Variants in RDX observed in about 807,000 individuals in gnomAD.
RDX encodes the protein deafness, autosomal recessive 24.
A neutral mutation model predicts 83.7 loss-of-function variants in RDX; 32 were observed. The observed-to-expected ratio is 0.38, with a 90% CI of 0.29 to 0.51. The LOEUF (loss-of-function observed/expected upper bound fraction) is 0.51. RDX is among the 20% of genes least tolerant of loss of function. The pLI, the probability that RDX is intolerant of heterozygous loss-of-function variation, is 0.87. For synonymous variants in RDX, 229 were observed against 222.7 expected (o/e 1.03, Z -0.25); for missense variants, 600 against 689.9 (o/e 0.87, Z 1.46).
chr11:110,214,465 A>C (rs1230940416), intron 14 of RDX, among the ~76,000 whole-genome samples: 20 of 138,032 alleles, frequency 1.4e-4, no homozygotes, highest in African/African-American at 5.5e-4. Context: ...TGGAAATACC[A>C]TTTGACCCAG....
At chr11:110,217,036 T>C (rs1591519037) in intron 14 of RDX, among the ~76,000 whole-genome samples, 1 of 152,244 alleles carries the variant, frequency 6.6e-6, no homozygotes, top group Admixed American at 6.5e-5. Flanking sequence ...CGAGACACAG[T>C]CCCCATCAGG....
At chr11:110,269,951 A>AG (rs1287113994) in intron 3 of RDX, among the ~76,000 whole-genome samples, 2 of 152,264 alleles carry the variant, frequency 1.3e-5, no homozygotes, top group Non-Finnish European at 2.9e-5. Context: ...CTGAGGTGGG[A>AG]GGATCGCTTG....
At chr11:110,214,592 A>T (rs1276353201) in intron 14 of RDX, among the ~76,000 whole-genome samples, 1 of 76,706 alleles carries the variant, frequency 1.3e-5, no homozygotes, top group African/African-American at 5.1e-5. Flanking sequence ...GAACCAACCC[A>T]AATGTCCAAC....
intron 9 of RDX, 28 bp from the exon 10 acceptor site, chr11:110,247,861 AAATT>A (rs1333906664): frequency 1.3e-6 from 2 of 1,539,236 alleles, no homozygotes; most frequent in Non-Finnish European, 1.7e-6. Context: ...TTGCTGTTAC[AAATT>A]AATACACAAA....
intron 4 of RDX, among the ~76,000 whole-genome samples, 180 bp downstream of exon 4, chr11:110,264,599 T>C (rs575356674): frequency 1.3e-5 from 2 of 152,056 alleles, no homozygotes; most frequent in South Asian, 4.2e-4. Context: ...TTCTTTTTTT[T>C]TTTTTTGAGA....
intron 9 of RDX, 52 bp from the exon 10 acceptor site, chr11:110,247,885 C>T: frequency 6.6e-7 from 1 of 1,523,430 alleles, no homozygotes; most frequent in East Asian, 2.5e-5. Context: ...AAATATTATT[C>T]ATGTGATGGA....
At position 110,257,858 on chromosome 11, in the gene RDX, C is replaced by T. The variant is rs999025809; in HGVS notation, c.607G>A (p.Val203Ile). 6.2e-7 allele frequency: 1 copy of T among 1,612,192 alleles called. No homozygotes were observed. Among genetic ancestry groups the T allele is most frequent in the African/African-American group, 1.3e-5 (1 of 74,838 alleles). Residue 203 changes from valine (V) to isoleucine (I), a missense_variant, in exon 7 of 14, where the codon GTC becomes ATC. Val to Ile is a conservative substitution (Grantham distance 29). Transcript: ENST00000645495. ...KIAQDLEMYG[V>I]NYFEIKNKKG... is the part of the protein sequence containing the mutation. ...TTATTTTTTATTTCAAAATAGTTGA[C>T]TCCATACATTTCTAGATCTTGTGCA... is the stretch of plus-strand genomic sequence containing the variant.
chr11:110,242,677 A>T (rs1250750883), intron 10 of RDX, among the ~76,000 whole-genome samples: 1 of 152,134 alleles, frequency 6.6e-6, no homozygotes, highest in Non-Finnish European at 1.5e-5. Context: ...AATTGTATAA[A>T]AGTGTAAGTT....
chr11:110,176,498 C>T lies in RDX; in HGVS notation c.*32-1264G>A, dbSNP rs1163740676. 2.0e-5 allele frequency among the ~76,000 whole-genome samples: 3 copies of T among 152,292 alleles called. No homozygotes were observed. The South Asian group carries it at 6.2e-4, about 32-fold the overall frequency. ...TTCTCAACTCTGCCTCCTGCTCCCC[C>T]CAGCCACGGGGTGCCTGGGGACATT... On this transcript the variant is annotated intron_variant, in intron 15 of 15. Coordinates refer to the RDX transcript ENST00000528498.
intron 12 of RDX, among the ~76,000 whole-genome samples, chr11:110,233,865 G>A (rs889457325): frequency 1.3e-5 from 2 of 152,130 alleles, no homozygotes; most frequent in African/African-American, 4.8e-5. Flanking sequence ...TGAGCCACAA[G>A]GGGAAAATGT....
intron 7 of RDX, among the ~76,000 whole-genome samples, chr11:110,256,560 G>C (rs1221429677): frequency 4.6e-5 from 7 of 152,024 alleles, no homozygotes. Flanking sequence ...GCTCCAATAT[G>C]TGCCAGAACC....
chr11:110,276,710 T>C (rs1431839398), intron 2 of RDX, among the ~76,000 whole-genome samples: 1 of 152,238 alleles, frequency 6.6e-6, no homozygotes, highest in Non-Finnish European at 1.5e-5. Context: ...TAAATCAGTT[T>C]ACTCATTTGT....
At chr11:110,217,775 C>T (rs1591519540) in intron 14 of RDX, among the ~76,000 whole-genome samples, 1 of 152,108 alleles carries the variant, frequency 6.6e-6, no homozygotes, top group South Asian at 2.1e-4. Context: ...GTTCCTGAGG[C>T]GACTGCTGAC....
intron 15 of RDX, among the ~76,000 whole-genome samples, chr11:110,184,193 A>C (rs1254353243): frequency 6.6e-6 from 1 of 152,204 alleles, no homozygotes; most frequent in Non-Finnish European, 1.5e-5. Flanking sequence ...TGTGGCAGCA[A>C]CAGGGATGTT....
chr11:110,208,320 C>T (rs1863681219), intron 14 of RDX, among the ~76,000 whole-genome samples: 1 of 152,220 alleles, frequency 6.6e-6, no homozygotes, highest in Non-Finnish European at 1.5e-5. Flanking sequence ...GGGAGGTTAA[C>T]TCAAACTATA....
intron 15 of RDX, chr11:110,195,472 G>A (rs1217396036): frequency 6.6e-6 from 1 of 152,190 alleles, no homozygotes; most frequent in Non-Finnish European, 1.5e-5. Flanking sequence ...ACTGAAATCA[G>A]AGAAGATGGG....
At chr11:110,187,951 T>C (rs1387506422) in intron 15 of RDX, among the ~76,000 whole-genome samples, 1 of 152,166 alleles carries the variant, frequency 6.6e-6, no homozygotes, top group South Asian at 2.1e-4. Flanking sequence ...CACTGCCCAA[T>C]ATAAAACCTG....
intron 9 of RDX, among the ~76,000 whole-genome samples, chr11:110,251,785 CAT>C (rs1859350902): frequency 6.6e-6 from 1 of 152,182 alleles, no homozygotes; most frequent in Admixed American, 6.5e-5. Flanking sequence ...AATAACCACT[CAT>C]AGTGTATAAG....
chr11:110,245,457 T>C (rs1049577990), intron 10 of RDX, among the ~76,000 whole-genome samples: 1 of 152,056 alleles, frequency 6.6e-6, no homozygotes, highest in African/African-American at 2.4e-5. Flanking sequence ...ACCTAGAAAT[T>C]TTCTTTTTAA....
Sources: allele counts gnomAD v4.1 joint callset (sites outside exome capture counted in the v4.1 genomes callset), GRCh38; gene constraint gnomAD v4.1.1; transcripts MANE v1.5; gene names NCBI Gene and HGNC (gene_info 2026-07-23, HGNC 2026-07-21).